Variants in STK3 observed in about 807,000 individuals in gnomAD.
STK3 encodes serine/threonine-protein kinase 3.
STK3 carries 41 observed loss-of-function variants against 58.0 expected under a neutral mutation model. That is an observed-to-expected ratio of 0.71 (90% CI 0.55 to 0.92). The LOEUF is 0.92. Ranked by LOEUF, STK3 falls within the 40% of genes least tolerant of loss-of-function variation. STK3 has a pLI of 0.00. For missense variants in STK3, 479 were observed against 602.7 expected (o/e 0.79, Z 2.15); for synonymous variants, 170 against 191.0 (o/e 0.89, Z 0.91).
chr8:98,652,001 G>A (rs990372974), intron 6 of STK3, among the ~76,000 whole-genome samples: 9 of 152,016 alleles, frequency 5.9e-5, no homozygotes, highest in African/African-American at 9.6e-5. Flanking sequence ...GATACTCCTC[G>A]AGAAGAGCAA....
chr8:98,466,615 C>G (rs924583746), intron 10 of STK3, among the ~76,000 whole-genome samples: 1 of 152,034 alleles, frequency 6.6e-6, no homozygotes, highest in African/African-American at 2.4e-5. Context: ...GGAAGGAGAC[C>G]GGATGTTATT....
chr8:98,600,945 A>G (rs1816291176), intron 6 of STK3, among the ~76,000 whole-genome samples: 1 of 152,226 alleles, frequency 6.6e-6, no homozygotes, highest in Admixed American at 6.5e-5. Flanking sequence ...AATCTTAAAA[A>G]TTTAAACTGT....
chr8:98,674,767 G>C (rs936458056), intron 6 of STK3, among the ~76,000 whole-genome samples: 1 of 152,050 alleles, frequency 6.6e-6, no homozygotes, highest in Non-Finnish European at 1.5e-5. Flanking sequence ...AGAATAATTC[G>C]TATCTTCCGT....
rs145635046 is a variant in STK3, at chr8:98,938,011, CA to C, written c.-79+4366del. 3.2e-4 allele frequency among the ~76,000 whole-genome samples: 49 copies of C among 152,292 alleles called. No homozygotes were observed. The East Asian group carries it at 9.4e-3, about 29-fold the overall frequency. On this transcript the variant is annotated intron_variant, in intron 1 of 1. Coordinates refer to the STK3 transcript ENST00000519420. ...TTTGAGAATCCCCATAAGAAAAGGT[CA>C]TTTGAAAATAGCAACCCTTTGTCAA...
the STK3 span, among the ~76,000 whole-genome samples, chr8:98,347,569 A>G: frequency 2.0e-5 from 3 of 152,110 alleles, no homozygotes; most frequent in Admixed American, 6.5e-5. Context: ...CAAAAAAGGC[A>G]GAAATCGAGA....
At chr8:98,555,329 T>G (rs558333851) in intron 8 of STK3, among the ~76,000 whole-genome samples, 1 of 152,282 alleles carries the variant, frequency 6.6e-6, no homozygotes, top group East Asian at 1.9e-4. Context: ...GTGAGACTAA[T>G]TTGTCATTAG....
chr8:98,904,097 C>T lies in STK3; in HGVS notation c.-78-20263G>A, dbSNP rs1222118375. Among the ~76,000 whole-genome samples, 7 of 152,058 alleles carry T rather than the reference C, an allele frequency of 4.6e-5. No individual in the cohort carries two copies. In the East Asian group the frequency reaches 9.6e-4, roughly 21 times the overall value. On this transcript the variant is annotated intron_variant, in intron 1 of 1. Transcript: ENST00000519420. ...CTAAATTTCAGCTAATGCTGTACCA[C>T]GATCACAGGTCAGATATAAAAAAAC...
At chr8:98,779,569 A>G (rs778302869) in intron 1 of STK3, among the ~76,000 whole-genome samples, 15 of 152,202 alleles carry the variant, frequency 9.9e-5, no homozygotes, top group Non-Finnish European at 2.1e-4. Flanking sequence ...TATGTGTATA[A>G]GGTAGATACA....
At chr8:98,631,712 T>C (rs148311833) in intron 6 of STK3, among the ~76,000 whole-genome samples, 258 of 152,324 alleles carry the variant, frequency 1.7e-3, no homozygotes, top group African/African-American at 5.9e-3. Flanking sequence ...TCTCCCAGGC[T>C]AGAGGGCAGT....
chr8:98,511,990 C>CT (rs1824553792), intron 10 of STK3, among the ~76,000 whole-genome samples: 2 of 151,886 alleles, frequency 1.3e-5, no homozygotes, highest in South Asian at 2.1e-4. Context: ...TATTATTACA[C>CT]TTTAAGTTTT....
At chr8:98,669,807 C>T (rs980910721) in intron 6 of STK3, among the ~76,000 whole-genome samples, 5 of 152,194 alleles carry the variant, frequency 3.3e-5, no homozygotes, top group African/African-American at 1.2e-4. Flanking sequence ...TTCTCCTACC[C>T]TGTTCTATGT....
chr8:98,397,754 T>A (rs1023746952), downstream of STK3, among the ~76,000 whole-genome samples: 2 of 152,034 alleles, frequency 1.3e-5, no homozygotes, highest in Admixed American at 6.5e-5. Flanking sequence ...AAGCGGTTTC[T>A]CCCATGCTGT....
chr8:98,657,815 T>C (rs899618169), intron 6 of STK3, among the ~76,000 whole-genome samples: 1 of 151,998 alleles, frequency 6.6e-6, no homozygotes, highest in Non-Finnish European at 1.5e-5. Context: ...AGACACATTC[T>C]CAATAAAAAT....
intron 10 of STK3, among the ~76,000 whole-genome samples, chr8:98,472,934 C>G (rs976418772): frequency 2.0e-5 from 3 of 151,808 alleles, no homozygotes; most frequent in African/African-American, 7.3e-5. Context: ...GAATTAGGAG[C>G]GAAATGGTCC....
intron 3 of STK3, among the ~76,000 whole-genome samples, chr8:98,433,475 A>G (rs560191363): frequency 2.5e-4 from 38 of 152,342 alleles, no homozygotes; most frequent in Non-Finnish European, 5.1e-4. Context: ...GTGAATCGGT[A>G]GGAAGGCCAC....
chr8:98,424,698 A>T (rs183325665), intron 3 of STK3, among the ~76,000 whole-genome samples: 1 of 151,974 alleles, frequency 6.6e-6, no homozygotes, highest in Non-Finnish European at 1.5e-5. Context: ...TACATGAAGC[A>T]GGGGAGGGAG....
intron 3 of STK3, among the ~76,000 whole-genome samples, 190 bp from the exon 4 acceptor site, chr8:98,749,580 G>A (rs1481602164): frequency 6.6e-6 from 1 of 151,992 alleles, no homozygotes; most frequent in Non-Finnish European, 1.5e-5. Flanking sequence ...CTTCATGGAC[G>A]AAATTTAACA....
At chr8:98,707,774 C>G (rs993389963) in intron 4 of STK3, among the ~76,000 whole-genome samples, 10 of 152,202 alleles carry the variant, frequency 6.6e-5, no homozygotes, top group Middle Eastern at 3.4e-3. Context: ...TCGAGAACCT[C>G]TTCTTCCCAC....
chr8:98,640,405 A>G (rs1457647317), intron 6 of STK3, among the ~76,000 whole-genome samples: 1 of 152,204 alleles, frequency 6.6e-6, no homozygotes, highest in Non-Finnish European at 1.5e-5. Flanking sequence ...CAAAACTTCA[A>G]GGAAGAATAT....
Sources: allele counts gnomAD v4.1 joint callset (sites outside exome capture counted in the v4.1 genomes callset), GRCh38; gene constraint gnomAD v4.1.1; transcripts MANE v1.5; gene names NCBI Gene and HGNC (gene_info 2026-07-23, HGNC 2026-07-21).